The following TLR1 variants were observed in gnomAD, a reference collection of about 807,000 sequenced individuals.
The protein encoded by TLR1 is toll like receptor 1.
A neutral mutation model predicts 20.2 loss-of-function variants in TLR1; 19 were observed. The observed-to-expected ratio is 0.94, with a 90% confidence interval of 0.66 to 1.38. TLR1 has a LOEUF of 1.38. TLR1 is among the 40% of genes most tolerant of loss of function. The pLI, the probability that TLR1 is intolerant of heterozygous loss-of-function variation, is 0.00. For synonymous variants in TLR1, 320 were observed against 334.5 expected (o/e 0.96, Z 0.47); for missense variants, 921 against 910.0 (o/e 1.01, Z -0.16).
chr4:38,798,023 T>G lies in TLR1; in HGVS notation c.809A>C (p.His270Pro), dbSNP rs778180977. ...SFIRILQLVW[H>P]TTVWYFSISN... ...AATTGAGAAATACCATACAGTTGTATGCCAAACCAGCTGGAGGATCCTAAT... is the reference window on the plus strand; with the variant it reads ...AATTGAGAAATACCATACAGTTGTAGGCCAAACCAGCTGGAGGATCCTAAT... The change falls in exon 4 of 4, where the codon CAT becomes CCT. Residue 270 changes from histidine to proline, a missense_variant. Coordinates refer to ENST00000308979, the MANE Select transcript of TLR1 (RefSeq NM_003263.4). 8 of 1,614,066 alleles carry G rather than the reference T, an allele frequency of 5.0e-6. No individual in the cohort carries two copies. The highest frequency in any genetic ancestry group is 5.9e-6 in the Non-Finnish European group (7 of 1,180,036).
chr4:38,799,359 G>C (rs1726472370), intron 3 of TLR1, among the ~76,000 whole-genome samples: 1 of 152,204 alleles, frequency 6.6e-6, no homozygotes, highest in Non-Finnish European at 1.5e-5. Context: ...TTGAGACACA[G>C]AGGAGAAGGC....
chr4:38,793,690 C>T (rs559043573), downstream of TLR1, among the ~76,000 whole-genome samples: 12 of 152,200 alleles, frequency 7.9e-5, no homozygotes, highest in South Asian at 2.3e-3. Context: ...CTTTAGGTTC[C>T]TTTCAGGGAA....
At chr4:38,800,796 A>G (rs552418837) in intron 3 of TLR1, 61 bp downstream of exon 3, 1 of 152,690 alleles carries the variant, frequency 6.5e-6, no homozygotes, top group African/African-American at 2.4e-5. Context: ...CCTCGGTTAC[A>G]AAAGTTCCCC....
In TLR1 at chr4:38,798,246, A is replaced by G; in HGVS notation, c.586T>C (p.Phe196Leu). The G allele has an allele frequency of 3.1e-6, 5 of 1,613,640 alleles. No homozygotes were observed. Among genetic ancestry groups the G allele is most frequent in the Non-Finnish European group, 4.2e-6 (5 of 1,179,692 alleles). Reference sequence around the variant, plus strand: ...AAATGGAATTCTTTGTTTGTGGGGAACACAATGTGCAGACTCTCAGTGTTA... The same window carrying G: ...AAATGGAATTCTTTGTTTGTGGGGAGCACAATGTGCAGACTCTCAGTGTTA... The part of the protein sequence containing the change: ...DFNTESLHIV[F>L]PTNKEFHFIL... The change falls in exon 4 of 4, where the codon TTC becomes CTC. Residue 196 changes from phenylalanine to leucine, a missense_variant. Physicochemically the swap from Phe to Leu is conservative, Grantham distance 22. Coordinates refer to ENST00000308979, the MANE Select transcript of TLR1 (RefSeq NM_003263.4).
intron 3 of TLR1, among the ~76,000 whole-genome samples, chr4:38,799,664 A>G (rs5743604): frequency 0.36 from 54,997 of 152,052 alleles, 12,054 homozygotes; most frequent in African/African-American, 0.57. Context: ...TCTTTGACGT[A>G]CATCTCCCCA....
downstream of TLR1, among the ~76,000 whole-genome samples, chr4:38,788,324 A>T (rs1214925574): frequency 6.6e-6 from 1 of 152,234 alleles, no homozygotes; most frequent in African/African-American, 2.4e-5. Flanking sequence ...GTAAAGAGAA[A>T]AGAGTACAGA....
At position 38,797,454 on chromosome 4, in the gene TLR1, T is replaced by C. The variant is rs137853171; in HGVS notation, c.1378A>G (p.Ile460Val). ...LDLHSNKIKS[I>V]PKQVVKLEAL... ...TCCAGTTTTACGACTTGTTTAGGAATGCTCTTTATTTTATTGCTGTGAAGA... is the reference window on the plus strand; with the variant it reads ...TCCAGTTTTACGACTTGTTTAGGAACGCTCTTTATTTTATTGCTGTGAAGA... The change falls in exon 4 of 4, where the codon ATT (isoleucine) becomes GTT (valine). Residue 460 changes from isoleucine (I) to valine (V), a missense_variant. Physicochemically the swap from Ile to Val is conservative, Grantham distance 29. Transcript: ENST00000308979. The C allele has an allele frequency of 3.4e-4, 550 of 1,614,122 alleles. 6 individuals are homozygous for C. In the East Asian group the frequency reaches 9.4e-3, roughly 28 times the overall value.
downstream of TLR1, among the ~76,000 whole-genome samples, chr4:38,788,132 A>C (rs1725648008): frequency 6.8e-6 from 1 of 147,256 alleles, no homozygotes; most frequent in Non-Finnish European, 1.5e-5. Context: ...AGAAAAATTA[A>C]AGAGGAAAGA....
At chr4:38,801,658 A>G (rs1386612466) in intron 2 of TLR1, among the ~76,000 whole-genome samples, 1 of 152,184 alleles carries the variant, frequency 6.6e-6, no homozygotes, top group Non-Finnish European at 1.5e-5. Flanking sequence ...TTCAAAAGTG[A>G]TCAGAGGCAC....
chr4:38,792,596 A>T (rs910162487), downstream of TLR1, among the ~76,000 whole-genome samples: 17 of 152,018 alleles, frequency 1.1e-4, no homozygotes, highest in Admixed American at 9.2e-4. Flanking sequence ...ACATTTTTTT[A>T]AAAATTGTAG....
At chr4:38,795,338 A>C (rs932209174), downstream of TLR1, among the ~76,000 whole-genome samples, 2 of 152,170 alleles carry the variant, frequency 1.3e-5, no homozygotes, top group African/African-American at 2.4e-5. Context: ...ACCTGCCCAG[A>C]GCTGGCTGCT....
Position 38,798,846 on chromosome 4 carries a change from C to T in TLR1, c.-15G>A. 1 of 1,558,798 alleles carries T rather than the reference C, an allele frequency of 6.4e-7. No homozygotes were observed. Among genetic ancestry groups the T allele is most frequent in the Non-Finnish European group, 8.7e-7 (1 of 1,151,152 alleles). ...ATGCTAGTCATTTTGGAACACTAGA[C>T]ATTCCTAAAGGTAGAAGCTGTTCTT... On this transcript the variant is annotated 5_prime_UTR_variant, in exon 4 of 4. It removes an upstream start codon present in the reference 5' UTR. Coordinates refer to ENST00000308979, the MANE Select transcript of TLR1 (RefSeq NM_003263.4).
In TLR1 at chr4:38,798,882, T is replaced by A. The variant is rs888317501; in HGVS notation, c.-51A>T. ...GTAGAAGCTGTTCTTCAGATCATCT[T>A]GATACAGATACAGATTCTAGAAAAA... On this transcript the variant is annotated 5_prime_UTR_variant, in exon 4 of 4. Transcript: ENST00000308979. The A allele has an allele frequency of 1.5e-6, 2 of 1,326,116 alleles. No individual in the cohort carries two copies. The highest frequency in any genetic ancestry group is 2.7e-4 in the Middle Eastern group (1 of 3,646). 82.1% of individuals were successfully genotyped at this position (1,326,116 alleles called of 1,614,324 possible). A position where few individuals can be genotyped will look rare whatever the true frequency, so the allele number is the denominator to read the frequency against.
At position 38,797,426 on chromosome 4, in the gene TLR1, G is replaced by A. The variant is rs141556246; in HGVS notation, c.1406C>T (p.Ala469Val). The A allele has an allele frequency of 2.9e-5, 47 of 1,614,206 alleles. No individual in the cohort carries two copies. In the African/African-American group the frequency reaches 5.1e-4, roughly 17 times the overall value. ...GAAAGCAACATTGAGTTCTTGCAAA[G>A]CTTCCAGTTTTACGACTTGTTTAGG... ...SIPKQVVKLEALQELNVAFNS... is the reference protein window; with the variant it reads ...SIPKQVVKLEVLQELNVAFNS... The change falls in exon 4 of 4, where the codon GCT (alanine) becomes GTT (valine). Residue 469 changes from alanine (A) to valine (V), a missense_variant. Coordinates refer to ENST00000308979, the MANE Select transcript of TLR1 (RefSeq NM_003263.4).
Position 38,798,284 on chromosome 4 carries a change from C to T in TLR1, c.548G>A (p.Gly183Asp), listed in dbSNP as rs747900722. Residue 183 changes from glycine to aspartate, a missense_variant, in exon 4 of 4, where the codon GGC (glycine) becomes GAC (aspartate). Coordinates refer to ENST00000308979, the MANE Select transcript of TLR1 (RefSeq NM_003263.4). ...ACTCTCAGTGTTAAAGTCTTGAAGG[C>T]CCTCAGGGTCTTCTTTTTCCCCATA... ...ETYGEKEDPE[G>D]LQDFNTESLH... 36 of 1,611,892 alleles carry T rather than the reference C, an allele frequency of 2.2e-5. No individual in the cohort carries two copies. In the Admixed American group the frequency reaches 6.0e-4, roughly 27 times the overall value.
downstream of TLR1, among the ~76,000 whole-genome samples, chr4:38,791,578 T>G (rs1725723863): frequency 6.6e-6 from 1 of 152,270 alleles, no homozygotes; most frequent in Admixed American, 6.5e-5. Context: ...AACATGGAGC[T>G]GTTCCCAGTT....
intron 2 of TLR1, among the ~76,000 whole-genome samples, chr4:38,803,748 A>G (rs1049715204): frequency 6.6e-6 from 1 of 152,246 alleles, no homozygotes; most frequent in Non-Finnish European, 1.5e-5. Context: ...TCTATTTTAG[A>G]ACCTTTAAAC....
intron 2 of TLR1, among the ~76,000 whole-genome samples, chr4:38,801,593 T>C (rs1726649142): frequency 6.6e-6 from 1 of 152,132 alleles, no homozygotes; most frequent in African/African-American, 2.4e-5. Context: ...TCTTTCCACC[T>C]CCTAGCCAAC....
At chr4:38,794,907 T>A (rs1725935925), downstream of TLR1, among the ~76,000 whole-genome samples, 5 of 151,522 alleles carry the variant, frequency 3.3e-5, no homozygotes. Context: ...TTGTTGCTTT[T>A]TATTTTATTT....
Sources: gnomAD v4.1 joint callset for allele counts (sites outside exome capture counted in the v4.1 genomes callset) on GRCh38, gnomAD v4.1.1 for gene constraint, MANE v1.5 for transcripts, NCBI Gene and HGNC (gene_info 2026-07-23, HGNC 2026-07-21) for gene names.